The following MAP4K3 variants were observed in gnomAD, a reference collection of about 807,000 sequenced individuals.
MAP4K3 encodes mitogen-activated protein kinase kinase kinase kinase 3.
A neutral mutation model predicts 143.5 loss-of-function variants in MAP4K3; 94 were observed. The ratio of observed to expected loss-of-function variants is 0.65; its 90% CI spans 0.55 to 0.78. The LOEUF is 0.78. Among genes scored for constraint, MAP4K3 ranks in the 30% least tolerant of loss-of-function variants. MAP4K3 has a pLI of 0.00. For missense variants in MAP4K3, 1,077 were observed against 1,068.1 expected (o/e 1.01, Z -0.12); for synonymous variants, 416 against 347.2 (o/e 1.20, Z -2.20).
At position 39,417,496 on chromosome 2, in the gene MAP4K3, G is replaced by C. The variant is rs563895379; in HGVS notation, c.96+19396C>G. Among the ~76,000 whole-genome samples, 20 of 151,988 alleles carry C rather than the reference G, an allele frequency of 1.3e-4. No individual in the cohort carries two copies. In the South Asian group the frequency reaches 1.9e-3, roughly 14 times the overall value. On this transcript the variant is annotated intron_variant, in intron 1 of 33. Coordinates refer to ENST00000263881, the MANE Select transcript of MAP4K3 (RefSeq NM_003618.4). Reference sequence around the variant, plus strand: ...GTCTCCCAAAGTGCTGGGATTACAGGCGTGAGCCACCGCACCCGCCCGAAA... The same window carrying C: ...GTCTCCCAAAGTGCTGGGATTACAGCCGTGAGCCACCGCACCCGCCCGAAA...
intron 3 of MAP4K3, among the ~76,000 whole-genome samples, chr2:39,351,319 C>T (rs1665451199): frequency 1.3e-5 from 2 of 152,166 alleles, no homozygotes; most frequent in African/African-American, 4.8e-5. Flanking sequence ...CTTTTAACAC[C>T]CAATATTTGG....
chr2:39,369,286 C>A (rs1453986143), intron 2 of MAP4K3, among the ~76,000 whole-genome samples: 2 of 146,192 alleles, frequency 1.4e-5, no homozygotes, highest in East Asian at 4.0e-4. Flanking sequence ...ACCTCCGTCT[C>A]CCAGGTTCAA....
At chr2:39,292,930 T>A in intron 17 of MAP4K3, 104 bp from the exon 18 acceptor site, 2 of 946,346 alleles carry the variant, frequency 2.1e-6, no homozygotes, top group South Asian at 1.4e-5. Context: ...TAAAATTTTA[T>A]TTCTGCATCT....
At chr2:39,342,108 GTATTATTATTATTATTATTATTATTAT>G (rs113261872) in intron 4 of MAP4K3, among the ~76,000 whole-genome samples, 5 of 143,144 alleles carry the variant, frequency 3.5e-5, no homozygotes, top group African/African-American at 1.0e-4. Flanking sequence ...TGTCTTTCTA[GTATTATTATTATTATTATTATTATTAT>G]TATTATTATT....
At chr2:39,306,515 T>A (rs1393023704) in intron 15 of MAP4K3, among the ~76,000 whole-genome samples, 1 of 152,260 alleles carries the variant, frequency 6.6e-6, no homozygotes, top group African/African-American at 2.4e-5. Context: ...AACATAGGCA[T>A]CATCCACTGA....
chr2:39,326,322 T>C, intron 8 of MAP4K3, 45 bp from the exon 9 acceptor site: 2 of 1,603,386 alleles, frequency 1.2e-6, no homozygotes, highest in Non-Finnish European at 1.7e-6. Context: ...GTTATATGTT[T>C]TCCTTTATAC....
At chr2:39,365,386 C>T (rs1435219407) in intron 2 of MAP4K3, among the ~76,000 whole-genome samples, 2 of 147,560 alleles carry the variant, frequency 1.4e-5, no homozygotes, top group East Asian at 2.0e-4. Flanking sequence ...CTCCATCAGT[C>T]GGTTGGGGGG....
intron 16 of MAP4K3, among the ~76,000 whole-genome samples, chr2:39,299,060 T>C (rs1682403467): frequency 6.6e-6 from 1 of 152,154 alleles, no homozygotes; most frequent in Non-Finnish European, 1.5e-5. Context: ...TATATTCCCT[T>C]ATAAATTAGT....
intron 15 of MAP4K3, among the ~76,000 whole-genome samples, chr2:39,305,197 A>C (rs544300453): frequency 1.3e-5 from 2 of 152,354 alleles, no homozygotes; most frequent in East Asian, 3.9e-4. Context: ...ATAAACATTA[A>C]AACAGTAAAT....
chr2:39,300,878 A>G (rs1682476565), intron 15 of MAP4K3, among the ~76,000 whole-genome samples: 1 of 152,216 alleles, frequency 6.6e-6, no homozygotes, highest in Non-Finnish European at 1.5e-5. Flanking sequence ...ACAATGGGAA[A>G]TAATCAAATC....
At chr2:39,370,829 C>T (rs541034755) in intron 2 of MAP4K3, among the ~76,000 whole-genome samples, 36 of 152,262 alleles carry the variant, frequency 2.4e-4, no homozygotes, top group African/African-American at 8.7e-4. Context: ...ACTAGTGCTG[C>T]AAACAATACC....
chr2:39,370,861 T>G (rs1047470839), intron 2 of MAP4K3, among the ~76,000 whole-genome samples: 1 of 152,194 alleles, frequency 6.6e-6, no homozygotes, highest in African/African-American at 2.4e-5. Context: ...TAAGTAACTT[T>G]TAAATTCTGA....
intron 12 of MAP4K3, among the ~76,000 whole-genome samples, chr2:39,322,592 ATG>A (rs71752304): frequency 5.2e-4 from 75 of 144,774 alleles, no homozygotes; most frequent in African/African-American, 1.4e-3. Context: ...GATGTGGTAT[ATG>A]TGTGTGTGTG....
At chr2:39,308,056 C>A in intron 14 of MAP4K3, 51 bp from the exon 15 acceptor site, 2 of 1,298,258 alleles carry the variant, frequency 1.5e-6, no homozygotes, top group Non-Finnish European at 2.1e-6. Context: ...AGACTAAAAG[C>A]CACAAATTCA....
rs150746481 is a variant in MAP4K3 at position 39,413,942 on chromosome 2, T to C, written c.96+22950A>G. ...TTTCCTCCTCATATCAATATCTACA[T>C]CTTTAAGTAAGAGCATACACACTTA... On this transcript the variant is annotated intron_variant, in intron 1 of 33. Transcript: ENST00000263881. Among the ~76,000 whole-genome samples the C allele has an allele frequency of 5.4e-3, 830 of 152,314 alleles. 9 individuals carry two copies. The highest frequency in any genetic ancestry group is 0.019 in the African/African-American group (774 of 41,560).
At chr2:39,363,577 G>C (rs766379204) in intron 2 of MAP4K3, among the ~76,000 whole-genome samples, 5 of 150,194 alleles carry the variant, frequency 3.3e-5, no homozygotes, top group African/African-American at 1.2e-4. Context: ...ACTGAGGTGG[G>C]AGAATTGCTT....
chr2:39,331,765 C>G, intron 8 of MAP4K3, 152 bp downstream of exon 8: 1 of 428,590 alleles, frequency 2.3e-6, no homozygotes, highest in Admixed American at 3.9e-5. Flanking sequence ...GCCATGTAAT[C>G]CACCCATAAG....
At chr2:39,348,309 T>C (rs992982084) in intron 3 of MAP4K3, among the ~76,000 whole-genome samples, 1 of 152,058 alleles carries the variant, frequency 6.6e-6, no homozygotes, top group African/African-American at 2.4e-5. Context: ...TTTCTATTCA[T>C]CCTATGTAAA....
intron 1 of MAP4K3, among the ~76,000 whole-genome samples, chr2:39,391,358 C>CAAAAA (rs755777714): frequency 0.014 from 639 of 45,144 alleles, 44 homozygotes; most frequent in Middle Eastern, 0.071. Flanking sequence ...GACTCCATCT[C>CAAAAA]AAAAAAAAAA....
Sources: allele counts gnomAD v4.1 joint callset (sites outside exome capture counted in the v4.1 genomes callset), GRCh38; gene constraint gnomAD v4.1.1; transcripts MANE v1.5; gene names NCBI Gene and HGNC (gene_info 2026-07-23, HGNC 2026-07-21).